EDEM3: variants seen among roughly 807,000 people sequenced by gnomAD.
EDEM3 encodes the protein ER degradation enhancing alpha-mannosidase like protein 3, also known as ER degradation-enhancing alpha-mannosidase-like protein 3.
A neutral mutation model predicts 110.2 loss-of-function variants in EDEM3; 60 were observed. The observed-to-expected ratio is 0.54, with a 90% CI of 0.44 to 0.67. The LOEUF (loss-of-function observed/expected upper bound fraction) is 0.67, where lower values mean the gene tolerates loss of function less well. EDEM3 is among the 30% of genes least tolerant of loss of function. The probability of loss-of-function intolerance (pLI) is 0.00; values close to 1 mark genes in which losing one functional copy is unlikely to be tolerated. For synonymous variants in EDEM3, 352 were observed against 382.9 expected, an observed-to-expected ratio of 0.92 and a Z score of 0.94; for missense variants, 996 against 1,121.0, an observed-to-expected ratio of 0.89 and a Z score of 1.59.
At chr1:184,733,258 ATAC>A (rs1435167348) in intron 5 of EDEM3, among the ~76,000 whole-genome samples, 2 of 152,202 alleles carry the variant, frequency 1.3e-5, no homozygotes, top group Non-Finnish European at 1.5e-5. Flanking sequence ...AAAATCCGAG[ATAC>A]TACATTTAAC....
intron 2 of EDEM3, among the ~76,000 whole-genome samples, chr1:184,740,201 TAAG>T (rs1652059069): frequency 6.6e-6 from 1 of 152,212 alleles, no homozygotes; most frequent in South Asian, 2.1e-4. Context: ...AGAATCGTGT[TAAG>T]TACATGTTTC....
chr1:184,721,879 C>T lies in EDEM3; in HGVS notation c.854-493G>A, dbSNP rs552605131. Among the ~76,000 whole-genome samples, 313 of 151,890 alleles carry T rather than the reference C, an allele frequency of 2.1e-3. 1 individual carries two copies. Among genetic ancestry groups the T allele is most frequent in the African/African-American group, 7.2e-3 (297 of 41,490 alleles). ...AAATGATAGGCAGGTGGAGTCTAGA[C>T]CACTTAGAACTGAACCAACTCTAGA... On this transcript the variant is annotated intron_variant, in intron 8 of 19. Coordinates refer to ENST00000318130, the MANE Select transcript of EDEM3 (RefSeq NM_025191.4).
rs1190044631 is a variant in EDEM3 at position 184,693,767 on chromosome 1, T to C, written c.*296A>G. On this transcript the variant is annotated 3_prime_UTR_variant, in exon 20 of 20. Coordinates refer to ENST00000318130, the MANE Select transcript of EDEM3 (RefSeq NM_025191.4). The stretch of plus-strand genomic sequence containing the variant: ...TGTCTATCCAGAGACAACAGAAATC[T>C]GGTTCGCAGGAATGCTCAGTAATCT... 3.8e-6 allele frequency: 1 copy of C among 260,936 alleles called. No individual in the cohort carries two copies. Among genetic ancestry groups the C allele is most frequent in the Non-Finnish European group, 7.4e-6 (1 of 135,800 alleles). 16.2% of individuals were successfully genotyped at this position (260,936 alleles called of 1,614,324 possible).
intron 2 of EDEM3, among the ~76,000 whole-genome samples, chr1:184,738,547 T>C (rs945507190): frequency 6.6e-6 from 1 of 152,206 alleles, no homozygotes; most frequent in Non-Finnish European, 1.5e-5. Context: ...TACCTAAAAA[T>C]AGACCCATTA....
chr1:184,749,444 T>C (rs1652625453), intron 2 of EDEM3, 103 bp downstream of exon 2: 2 of 949,766 alleles, frequency 2.1e-6, no homozygotes, highest in Admixed American at 3.4e-5. Flanking sequence ...AACTTCCTTT[T>C]AAAAAATGTA....
chr1:184,737,390 T>A (rs1651887820), intron 3 of EDEM3, among the ~76,000 whole-genome samples: 1 of 152,218 alleles, frequency 6.6e-6, no homozygotes, highest in Non-Finnish European at 1.5e-5. Flanking sequence ...ATATTTTAAG[T>A]TATATGCAGC....
rs1377597745 is a variant in EDEM3 at position 184,692,760 on chromosome 1, C to A, written c.*1303G>T. ...ATTTTTAAGACTTAAATGTGGCCAG[C>A]ACCAGACTACTACAACAACAACAAA... is the stretch of plus-strand genomic sequence containing the variant. On this transcript the variant is annotated 3_prime_UTR_variant, in exon 20 of 20. Coordinates refer to ENST00000318130, the MANE Select transcript of EDEM3 (RefSeq NM_025191.4). 7.0e-6 allele frequency: 1 copy of A among 142,026 alleles called. No individual in the cohort carries two copies. The highest frequency in any genetic ancestry group is 1.5e-5 in the Non-Finnish European group (1 of 65,964). The allele number at this position is 142,026 out of a possible 1,614,324, so 8.8% of individuals were successfully genotyped here.
At chr1:184,737,453 AATG>A (rs1651894702) in intron 3 of EDEM3, among the ~76,000 whole-genome samples, 155 bp downstream of exon 3, 1 of 152,252 alleles carries the variant, frequency 6.6e-6, no homozygotes, top group African/African-American at 2.4e-5. Flanking sequence ...ATCTTTTATA[AATG>A]ATAACAGAAG....
intron 2 of EDEM3, among the ~76,000 whole-genome samples, chr1:184,743,984 A>G (rs1384239565): frequency 6.6e-6 from 1 of 151,558 alleles, no homozygotes; most frequent in African/African-American, 2.4e-5. Flanking sequence ...TAGAACATCT[A>G]GGAAAAAAAA....
intron 19 of EDEM3, among the ~76,000 whole-genome samples, chr1:184,702,237 T>C (rs1411138626): frequency 1.3e-5 from 2 of 152,224 alleles, no homozygotes; most frequent in Non-Finnish European, 2.9e-5. Context: ...CAGAGGACTA[T>C]CTACTCTCAT....
intron 13 of EDEM3, among the ~76,000 whole-genome samples, chr1:184,714,624 A>G (rs1283522780): frequency 1.3e-5 from 2 of 152,200 alleles, no homozygotes; most frequent in Non-Finnish European, 2.9e-5. Flanking sequence ...TTGGGGTCCA[A>G]CCAAAACTTC....
chr1:184,713,197 T>C (rs888145938), intron 13 of EDEM3, among the ~76,000 whole-genome samples: 4 of 151,786 alleles, frequency 2.6e-5, no homozygotes, highest in Non-Finnish European at 5.9e-5. Flanking sequence ...ACCCAGGAGA[T>C]GGAGATTGCA....
At chr1:184,708,610 C>G (rs970217802) in intron 16 of EDEM3, among the ~76,000 whole-genome samples, 12 of 152,226 alleles carry the variant, frequency 7.9e-5, no homozygotes, top group Non-Finnish European at 1.5e-4. Context: ...AACTGGACTT[C>G]TAGCGAATGC....
chr1:184,752,371 A>G (rs537185457), intron 1 of EDEM3, among the ~76,000 whole-genome samples: 1 of 152,304 alleles, frequency 6.6e-6, no homozygotes, highest in East Asian at 1.9e-4. Flanking sequence ...TTGGGCTTTA[A>G]AAAATGCACA....
At chr1:184,723,312 AGGT>A (rs1160733665) in intron 8 of EDEM3, among the ~76,000 whole-genome samples, 2 of 151,976 alleles carry the variant, frequency 1.3e-5, no homozygotes, top group African/African-American at 4.8e-5. Flanking sequence ...AGGCACACAG[AGGT>A]TAAATAAGTT....
At chr1:184,745,302 A>C (rs569589419) in intron 2 of EDEM3, among the ~76,000 whole-genome samples, 1 of 152,172 alleles carries the variant, frequency 6.6e-6, no homozygotes, top group South Asian at 2.1e-4. Flanking sequence ...CTCATAGATG[A>C]TAGTCCCACA....
chr1:184,740,716 C>T (rs1652089035), intron 2 of EDEM3, among the ~76,000 whole-genome samples: 2 of 152,282 alleles, frequency 1.3e-5, no homozygotes, highest in South Asian at 4.1e-4. Flanking sequence ...TTGAATTGAA[C>T]ATAAATGAGG....
chr1:184,703,860 T>G (rs932677780), intron 18 of EDEM3, among the ~76,000 whole-genome samples: 4 of 152,128 alleles, frequency 2.6e-5, no homozygotes, highest in Non-Finnish European at 5.9e-5. Context: ...CAGGGGGTAA[T>G]AGTCCAGTTG....
At position 184,754,793 on chromosome 1, in the gene EDEM3, C is replaced by T; in HGVS notation, c.-147G>A. 7.7e-7 allele frequency: 1 copy of T among 1,300,474 alleles called. No homozygotes were observed. Among genetic ancestry groups the T allele is most frequent in the Non-Finnish European group, 1.0e-6 (1 of 998,056 alleles). The allele number at this position is 1,300,474 out of a possible 1,614,324, so 80.6% of individuals were successfully genotyped here. On this transcript the variant is annotated 5_prime_UTR_variant, in exon 1 of 20. Transcript: ENST00000318130. ...CGGCCGCCGGCGCCAAACTGTTTCCCGAAGCCACCAAGCCGGTCCCCAGCG... is the reference window on the plus strand; with the variant it reads ...CGGCCGCCGGCGCCAAACTGTTTCCTGAAGCCACCAAGCCGGTCCCCAGCG...
Sources: gnomAD v4.1 joint callset for allele counts (sites outside exome capture counted in the v4.1 genomes callset) on GRCh38, gnomAD v4.1.1 for gene constraint, MANE v1.5 for transcripts, NCBI Gene and HGNC (gene_info 2026-07-23, HGNC 2026-07-21) for gene names.